Variants in KIAA1217 observed in about 807,000 individuals in gnomAD.
KIAA1217 encodes sickle tail protein homolog.
Under a neutral mutation model 163.9 loss-of-function variants are expected in KIAA1217, and 88 were observed. The observed-to-expected ratio is 0.54, with a 90% confidence interval of 0.45 to 0.64. The LOEUF is 0.64. Ranked by LOEUF, KIAA1217 falls within the 30% of genes least tolerant of loss-of-function variation. The pLI is 0.00. For missense variants in KIAA1217, 2,372 were observed against 2,475.0 expected (o/e 0.96, Z 0.88); for synonymous variants, 903 against 923.1 (o/e 0.98, Z 0.39).
intron 1 of KIAA1217, among the ~76,000 whole-genome samples, chr10:24,001,077 C>CAA (rs1467804186): frequency 6.6e-6 from 1 of 151,510 alleles, no homozygotes; most frequent in East Asian, 1.9e-4. Context: ...TAAACACACA[C>CAA]ACACACACAC....
intron 2 of KIAA1217, among the ~76,000 whole-genome samples, chr10:24,171,917 C>T (rs529172495): frequency 7.9e-5 from 12 of 152,292 alleles, no homozygotes; most frequent in East Asian, 3.9e-4. Flanking sequence ...AAGCTAGGAA[C>T]GGTAGGGAGG....
At position 24,458,218 on chromosome 10, in the gene KIAA1217, G is replaced by A. The variant is rs186557292; in HGVS notation, c.847-15010G>A. Among the ~76,000 whole-genome samples the A allele has an allele frequency of 5.1e-3, 781 of 152,342 alleles. 5 individuals are homozygous for A. Among genetic ancestry groups the A allele is most frequent in the South Asian group, 8.9e-3 (43 of 4,832 alleles). ...CCAAATAAGGAGAAGCAGTAGTTTT[G>A]CTGACCATCTCAGATTTCCAAGCCA... On this transcript the variant is annotated intron_variant, in intron 5 of 20. Transcript: ENST00000376454.
At chr10:24,027,621 A>G (rs752102256) in intron 2 of KIAA1217, among the ~76,000 whole-genome samples, 1 of 152,168 alleles carries the variant, frequency 6.6e-6, no homozygotes, top group African/African-American at 2.4e-5. Flanking sequence ...CTAAAAACAC[A>G]TTATTTAATA....
intron 2 of KIAA1217, among the ~76,000 whole-genome samples, chr10:24,365,662 A>T (rs1157105769): frequency 6.6e-6 from 1 of 150,788 alleles, no homozygotes; most frequent in Non-Finnish European, 1.5e-5. Context: ...TAATAGTGTC[A>T]CTCCCTTTTT....
chr10:23,816,400 C>A (rs539103032), intron 1 of KIAA1217, among the ~76,000 whole-genome samples: 3 of 152,182 alleles, frequency 2.0e-5, no homozygotes, highest in African/African-American at 4.8e-5. Context: ...TCAAGCAATT[C>A]TCCTGCCTCA....
At chr10:24,214,171 G>C (rs1564839980) in intron 1 of KIAA1217, among the ~76,000 whole-genome samples, 1 of 151,716 alleles carries the variant, frequency 6.6e-6, no homozygotes, top group Admixed American at 6.6e-5. Flanking sequence ...AACAAACAAA[G>C]AAAAAAAACA....
intron 2 of KIAA1217, among the ~76,000 whole-genome samples, chr10:24,270,575 C>T (rs930352188): frequency 2.0e-5 from 3 of 152,150 alleles, no homozygotes; most frequent in African/African-American, 4.8e-5. Flanking sequence ...TTTTTTCACC[C>T]TGTTGCCCAG....
At chr10:23,838,519 G>A (rs1322766245) in intron 1 of KIAA1217, among the ~76,000 whole-genome samples, 1 of 151,668 alleles carries the variant, frequency 6.6e-6, no homozygotes, top group East Asian at 1.9e-4. Context: ...GGAGTGCAGT[G>A]GCACCATCTA....
chr10:24,428,561 C>G lies in KIAA1217; in HGVS notation c.554-4434C>G, dbSNP rs562647401. ...GAGGTTACTAGGCTGGTTACATCAT[C>G]TAGCAAAAGCTCTTATAGCTCAGAT... On this transcript the variant is annotated intron_variant, in intron 3 of 20. Coordinates refer to ENST00000376454, the MANE Select transcript of KIAA1217 (RefSeq NM_019590.5). Among the ~76,000 whole-genome samples the G allele has an allele frequency of 2.0e-5, 3 of 152,278 alleles. No individual in the cohort carries two copies. In the East Asian group the frequency reaches 5.8e-4, roughly 29 times the overall value.
rs1287876801 is a variant in KIAA1217, at chr10:23,765,183, T to TTC, written c.-321+69953_-321+69954dup. Reference sequence around the variant, plus strand: ...TTTTTCTTTTGTTTTCCCTTTTTTGTTCTCTTTTTTTTTTTTTTTTTTTTT... The same window carrying TTC: ...TTTTTCTTTTGTTTTCCCTTTTTTGTTCTCTCTTTTTTTTTTTTTTTTTTTTT... On this transcript the variant is annotated intron_variant, in intron 1 of 18. Transcript: ENST00000376462. Among the ~76,000 whole-genome samples the TTC allele has an allele frequency of 1.6e-4, 23 of 140,844 alleles. 1 individual carries two copies. The highest frequency in any genetic ancestry group is 4.7e-4 in the African/African-American group (17 of 36,234). 92.4% of individuals were successfully genotyped at this position (140,844 alleles called of 152,430 possible).
chr10:23,967,759 T>C, intron 1 of KIAA1217, among the ~76,000 whole-genome samples: 1 of 152,196 alleles, frequency 6.6e-6, no homozygotes, highest in East Asian at 1.9e-4. Flanking sequence ...AAAGACAAAT[T>C]TAACCTGCTT....
Position 24,487,460 on chromosome 10 carries a change from A to G in KIAA1217, c.1680-7040A>G, listed in dbSNP as rs551597480. Reference sequence around the variant, plus strand: ...ATCGTCTCCCGAGGCCATGAAGAAAATAAACAGCATCCCTAGGAGTATGTG... The same window carrying G: ...ATCGTCTCCCGAGGCCATGAAGAAAGTAAACAGCATCCCTAGGAGTATGTG... On this transcript the variant is annotated intron_variant, in intron 6 of 20. Transcript: ENST00000376454. Among the ~76,000 whole-genome samples, 13 of 152,396 alleles carry G rather than the reference A, an allele frequency of 8.5e-5. No homozygotes were observed. In the South Asian group the frequency reaches 2.7e-3, roughly 32 times the overall value.
intron 1 of KIAA1217, among the ~76,000 whole-genome samples, chr10:23,986,150 C>T (rs890003784): frequency 2.0e-5 from 3 of 152,216 alleles, no homozygotes; most frequent in African/African-American, 2.4e-5. Context: ...CTCAGGAGTA[C>T]ATGTGGTCCA....
chr10:23,917,579 G>A lies in KIAA1217; in HGVS notation c.-320-89646G>A, dbSNP rs894030236. On this transcript the variant is annotated intron_variant, in intron 1 of 18. Transcript: ENST00000376462. ...GAGCAAGAACTCTGACTGTGCGAGTGAAAAGTGACTATAGTTTTAGTTTGG... is the reference window on the plus strand; with the variant it reads ...GAGCAAGAACTCTGACTGTGCGAGTAAAAAGTGACTATAGTTTTAGTTTGG... Among the ~76,000 whole-genome samples, 6 of 152,196 alleles carry A rather than the reference G, an allele frequency of 3.9e-5. No homozygotes were observed. The East Asian group carries it at 1.2e-3, about 29-fold the overall frequency.
intron 2 of KIAA1217, among the ~76,000 whole-genome samples, chr10:24,304,381 G>A (rs1483073392): frequency 2.6e-5 from 4 of 151,582 alleles, no homozygotes; most frequent in Admixed American, 2.0e-4. Context: ...AAATAATGAG[G>A]CAGTGTCTCA....
intron 1 of KIAA1217, among the ~76,000 whole-genome samples, chr10:24,003,960 C>G (rs1166680082): frequency 1.3e-5 from 2 of 151,968 alleles, no homozygotes; most frequent in African/African-American, 4.8e-5. Context: ...TTTCAGAGAC[C>G]TTTTTTTATT....
At chr10:24,124,081 T>G (rs1305694558) in intron 2 of KIAA1217, among the ~76,000 whole-genome samples, 1 of 152,196 alleles carries the variant, frequency 6.6e-6, no homozygotes, top group Admixed American at 6.5e-5. Flanking sequence ...TTTCATTTTA[T>G]GGATAAAAAA....
rs1846485458 is a variant in KIAA1217, at chr10:23,996,404, A to G, written c.-320-10821A>G. Among the ~76,000 whole-genome samples, 3 of 152,170 alleles carry G rather than the reference A, an allele frequency of 2.0e-5. No individual in the cohort carries two copies. The South Asian group carries it at 6.2e-4, about 32-fold the overall frequency. On this transcript the variant is annotated intron_variant, in intron 1 of 18. Coordinates refer to the KIAA1217 transcript ENST00000376462. ...AATTTCTCCATGTGGAAAGGGGAGC[A>G]CTGGGCCGGTAATTCCTTGTGGTGA...
chr10:24,024,739 T>A (rs1486780775), intron 2 of KIAA1217, among the ~76,000 whole-genome samples: 1 of 151,720 alleles, frequency 6.6e-6, no homozygotes, highest in Non-Finnish European at 1.5e-5. Flanking sequence ...GTATTTTTAA[T>A]TTCAGCCATT....
Sources: allele counts gnomAD v4.1 joint callset (sites outside exome capture counted in the v4.1 genomes callset), GRCh38; gene constraint gnomAD v4.1.1; transcripts MANE v1.5; gene names NCBI Gene and HGNC (gene_info 2026-07-23, HGNC 2026-07-21).